Variants in CSMD1 observed in about 807,000 individuals in gnomAD.
The protein encoded by CSMD1 is CUB and Sushi multiple domains 1, also known as CUB and sushi domain-containing protein 1.
Under a neutral mutation model 417.5 loss-of-function variants are expected in CSMD1, and 213 were observed. The observed-to-expected ratio is 0.51, with a 90% CI of 0.46 to 0.57. The LOEUF (loss-of-function observed/expected upper bound fraction) is 0.57, where lower values mean the gene tolerates loss of function less well. Ranked by LOEUF, CSMD1 falls within the 20% of genes least tolerant of loss-of-function variation. The probability of loss-of-function intolerance (pLI) is 0.00; values close to 1 mark genes in which losing one functional copy is unlikely to be tolerated. For missense variants in CSMD1, 6,923 were observed against 4,529.7 expected, an observed-to-expected ratio of 1.53 and a Z score of -15.17; for synonymous variants, 2,862 against 1,736.8, an observed-to-expected ratio of 1.65 and a Z score of -16.11.
At chr8:4,268,425 T>G (rs1804359169) in intron 3 of CSMD1, among the ~76,000 whole-genome samples, 1 of 152,182 alleles carries the variant, frequency 6.6e-6, no homozygotes, top group South Asian at 2.1e-4. Flanking sequence ...GACCAATTGT[T>G]GTTTATAGCT....
intron 8 of CSMD1, among the ~76,000 whole-genome samples, chr8:3,611,456 C>A (rs536443806): frequency 2.0e-5 from 3 of 151,900 alleles, no homozygotes; most frequent in Non-Finnish European, 4.4e-5. Context: ...AACGATAGAC[C>A]AACTATCACT....
At chr8:3,636,322 C>T (rs533322613) in intron 7 of CSMD1, among the ~76,000 whole-genome samples, 3 of 152,302 alleles carry the variant, frequency 2.0e-5, no homozygotes, top group Admixed American at 6.5e-5. Flanking sequence ...GGATTACAGG[C>T]ATGCGCCACC....
chr8:4,329,210 A>T (rs1351182739), intron 3 of CSMD1, among the ~76,000 whole-genome samples: 3 of 152,230 alleles, frequency 2.0e-5, no homozygotes, highest in African/African-American at 7.2e-5. Context: ...TTTCCAATAC[A>T]AATTATTTGG....
intron 3 of CSMD1, among the ~76,000 whole-genome samples, chr8:4,293,806 C>A (rs1350237335): frequency 6.6e-6 from 1 of 152,112 alleles, no homozygotes. Context: ...GCAAAATGAA[C>A]ATGCATTTCT....
chr8:3,504,778 G>C (rs993219249), intron 10 of CSMD1, among the ~76,000 whole-genome samples: 3 of 152,112 alleles, frequency 2.0e-5, no homozygotes, highest in African/African-American at 7.2e-5. Flanking sequence ...AAACTACTTA[G>C]ATGAAGAAAT....
chr8:3,428,722 G>C (rs1284856015), intron 12 of CSMD1, among the ~76,000 whole-genome samples: 1 of 152,088 alleles, frequency 6.6e-6, no homozygotes, highest in Non-Finnish European at 1.5e-5. Flanking sequence ...CAACAGAAAT[G>C]AAATCAGTAC....
At chr8:4,671,737 G>T (rs1449634154) in intron 1 of CSMD1, among the ~76,000 whole-genome samples, 4 of 152,136 alleles carry the variant, frequency 2.6e-5, no homozygotes, top group South Asian at 2.1e-4. Context: ...GTGTGTGTGT[G>T]TGTGCTTGTG....
In CSMD1 at chr8:4,352,616, C is replaced by A. The variant is rs181167391; in HGVS notation, c.415+67337G>T. 1.5e-4 allele frequency among the ~76,000 whole-genome samples: 23 copies of A among 152,264 alleles called. No homozygotes were observed. In the East Asian group the frequency reaches 4.2e-3, roughly 28 times the overall value. ...AGCTAAGTTTGAGAAAAGTCATTTGCCCCGAGTGACACCGAGGAGCTTAAC... is the reference window on the plus strand; with the variant it reads ...AGCTAAGTTTGAGAAAAGTCATTTGACCCGAGTGACACCGAGGAGCTTAAC... On this transcript the variant is annotated intron_variant, in intron 3 of 69. Transcript: ENST00000635120.
At chr8:3,915,407 A>G (rs112327092) in intron 5 of CSMD1, among the ~76,000 whole-genome samples, 266 of 64,390 alleles carry the variant, frequency 4.1e-3, no homozygotes, top group African/African-American at 8.2e-3. Context: ...CTCTGTCTCA[A>G]AAAAAAAAAA....
chr8:3,675,593 C>A (rs772765620), intron 7 of CSMD1, among the ~76,000 whole-genome samples: 3 of 151,936 alleles, frequency 2.0e-5, no homozygotes, highest in Non-Finnish European at 4.4e-5. Context: ...AGGGTTGATA[C>A]CCCATGATGA....
intron 1 of CSMD1, among the ~76,000 whole-genome samples, chr8:4,889,288 A>G (rs1803953391): frequency 1.3e-5 from 2 of 152,172 alleles, no homozygotes; most frequent in Non-Finnish European, 2.9e-5. Flanking sequence ...AAATTGAATC[A>G]TGAGGAAACA....
chr8:3,506,269 G>A (rs1796823252), intron 10 of CSMD1, among the ~76,000 whole-genome samples: 1 of 152,180 alleles, frequency 6.6e-6, no homozygotes, highest in African/African-American at 2.4e-5. Flanking sequence ...GGCATCATCT[G>A]TCACAGACAC....
chr8:4,746,930 T>C lies in CSMD1; in HGVS notation c.86-109372A>G, dbSNP rs1673260. 2.0e-5 allele frequency among the ~76,000 whole-genome samples: 3 copies of C among 152,208 alleles called. No individual in the cohort carries two copies. The East Asian group carries it at 5.8e-4, about 30-fold the overall frequency. ...TTGTGGGACACTCTAGTGTAATGAA[T>C]CTGATGATTCAAATGCCATCCCAAA... On this transcript the variant is annotated intron_variant, in intron 1 of 69. Coordinates refer to ENST00000635120, the MANE Select transcript of CSMD1 (RefSeq NM_033225.6).
chr8:4,446,923 G>T (rs931747287), intron 2 of CSMD1, among the ~76,000 whole-genome samples: 2 of 147,610 alleles, frequency 1.4e-5, no homozygotes, highest in African/African-American at 5.2e-5. Flanking sequence ...GCCTGGCAGA[G>T]ACCGTGTTTA....
chr8:3,528,791 A>G (rs1052834395), intron 10 of CSMD1, among the ~76,000 whole-genome samples: 2 of 152,234 alleles, frequency 1.3e-5, no homozygotes, highest in Admixed American at 1.3e-4. Context: ...GACAGACAGA[A>G]AACACCTGGA....
At chr8:2,984,812 C>T (rs1436438560) in intron 54 of CSMD1, among the ~76,000 whole-genome samples, 1 of 152,228 alleles carries the variant, frequency 6.6e-6, no homozygotes, top group East Asian at 1.9e-4. Context: ...ACTTTTCAAT[C>T]GTCCATACCA....
chr8:4,452,959 T>C (rs916003599), intron 2 of CSMD1, among the ~76,000 whole-genome samples: 4 of 152,168 alleles, frequency 2.6e-5, no homozygotes, highest in African/African-American at 4.8e-5. Flanking sequence ...GATTTTTCAA[T>C]TTAAGCTTTT....
intron 3 of CSMD1, among the ~76,000 whole-genome samples, chr8:4,156,028 G>C (rs1261184438): frequency 2.0e-5 from 3 of 152,110 alleles, no homozygotes; most frequent in Non-Finnish European, 4.4e-5. Context: ...CAGTGGCCTG[G>C]TTCCTCAGAT....
chr8:2,955,895 TACAC>T, intron 63 of CSMD1, 127 bp from the exon 64 acceptor site: 47 of 612,560 alleles, frequency 7.7e-5, no homozygotes, highest in Non-Finnish European at 1.1e-4. Context: ...TACATATATA[TACAC>T]ATATATATGT....
Sources: gnomAD v4.1 joint callset for allele counts (sites outside exome capture counted in the v4.1 genomes callset) on GRCh38, gnomAD v4.1.1 for gene constraint, MANE v1.5 for transcripts, NCBI Gene and HGNC (gene_info 2026-07-23, HGNC 2026-07-21) for gene names.